Variants in VPS54 observed in about 807,000 individuals in gnomAD.
VPS54 encodes the protein vacuolar protein sorting-associated protein 54.
Under a neutral mutation model 121.5 loss-of-function variants are expected in VPS54, and 45 were observed. The observed-to-expected ratio is 0.37, with a 90% CI of 0.29 to 0.47. VPS54 has a LOEUF of 0.47. Among genes scored for constraint, VPS54 ranks in the 20% least tolerant of loss-of-function variants. The probability of loss-of-function intolerance (pLI) is 0.99; values close to 1 mark genes in which losing one functional copy is unlikely to be tolerated. For synonymous variants in VPS54, 371 were observed against 385.8 expected, an observed-to-expected ratio of 0.96 and a Z score of 0.45; for missense variants, 1,090 against 1,131.4, an observed-to-expected ratio of 0.96 and a Z score of 0.52.
At chr2:63,967,845 T>A (rs959520338) in intron 5 of VPS54, among the ~76,000 whole-genome samples, 1 of 151,884 alleles carries the variant, frequency 6.6e-6, no homozygotes, top group Non-Finnish European at 1.5e-5. Context: ...TATCTTCTGT[T>A]GGAAAGAACA....
At chr2:63,961,286 C>G (rs533902714) in intron 7 of VPS54, among the ~76,000 whole-genome samples, 2 of 152,266 alleles carry the variant, frequency 1.3e-5, no homozygotes, top group African/African-American at 4.8e-5. Flanking sequence ...ATATCCTAAA[C>G]ATTCCAATTA....
chr2:63,926,541 G>A (rs1474779749), intron 12 of VPS54, among the ~76,000 whole-genome samples: 1 of 152,144 alleles, frequency 6.6e-6, no homozygotes, highest in East Asian at 1.9e-4. Context: ...AATAGGAACA[G>A]CTCTTGTCTA....
rs11316408 is a variant in VPS54 at position 64,012,455 on chromosome 2, TAA to T, written c.-21+6481_-21+6482del. Among the ~76,000 whole-genome samples, 827 of 111,576 alleles carry T rather than the reference TAA, an allele frequency of 7.4e-3. 4 individuals are homozygous for T. The highest frequency in any genetic ancestry group is 0.02 in the Middle Eastern group (4 of 198). The allele number at this position is 111,576 out of a possible 152,430, so 73.2% of individuals were successfully genotyped here. ...ACGCAAGGCTCAAAAAGTAACTGTT[TAA>T]AAAAAAAAAAAAAAAAAAAGTCCCC... is the stretch of plus-strand genomic sequence containing the variant. On this transcript the variant is annotated intron_variant, in intron 1 of 22. Transcript: ENST00000272322.
chr2:64,010,291 A>T (rs1678370825), intron 1 of VPS54, among the ~76,000 whole-genome samples: 1 of 152,182 alleles, frequency 6.6e-6, no homozygotes, highest in African/African-American at 2.4e-5. Flanking sequence ...TAATTTTTTT[A>T]AAAGTCCACA....
chr2:63,960,011 C>G (rs1675682522), intron 7 of VPS54, among the ~76,000 whole-genome samples: 2 of 151,628 alleles, frequency 1.3e-5, no homozygotes, highest in Admixed American at 6.6e-5. Context: ...CAGAGCTAGA[C>G]TCCATCTCAA....
At chr2:63,937,732 T>C (rs1335538103) in intron 11 of VPS54, among the ~76,000 whole-genome samples, 2 of 152,138 alleles carry the variant, frequency 1.3e-5, no homozygotes, top group Non-Finnish European at 2.9e-5. Context: ...CAGCCAAAAG[T>C]TGAAGGCAAC....
chr2:63,983,877 G>C lies in VPS54; in HGVS notation c.123C>G (p.Pro41=). The change falls in exon 2 of 23, where the codon CCC becomes CCG. Residue 41 remains proline (P), a synonymous_variant. Coordinates refer to ENST00000272322, the MANE Select transcript of VPS54 (RefSeq NM_016516.3). ...AAAAAGCATTACCTGTGGGTTCCTT[G>C]GGACACACATCTGGCAGTGATGGCA... ...RPVPSLPDVC[P]KEPTGDSHSL... 1 of 1,600,216 alleles carries C rather than the reference G, an allele frequency of 6.2e-7. No homozygotes were observed. Among genetic ancestry groups the C allele is most frequent in the Middle Eastern group, 1.7e-4 (1 of 6,010 alleles).
At chr2:63,966,457 C>G (rs1242542251) in intron 5 of VPS54, among the ~76,000 whole-genome samples, 1 of 152,124 alleles carries the variant, frequency 6.6e-6, no homozygotes, top group Non-Finnish European at 1.5e-5. Context: ...CTACTCTTCC[C>G]TTACATATCA....
At chr2:63,999,254 C>T (rs1487065842) in intron 1 of VPS54, among the ~76,000 whole-genome samples, 1 of 152,210 alleles carries the variant, frequency 6.6e-6, no homozygotes, top group Admixed American at 6.5e-5. Context: ...CTGGCCAGCT[C>T]TTTAGCATTT....
chr2:63,905,199 A>G (rs1212603775), intron 20 of VPS54, among the ~76,000 whole-genome samples: 2 of 152,160 alleles, frequency 1.3e-5, no homozygotes, highest in Non-Finnish European at 2.9e-5. Context: ...GAAAATAAAT[A>G]ACACAGACTG....
intron 1 of VPS54, among the ~76,000 whole-genome samples, chr2:63,987,370 G>A (rs1677100622): frequency 6.6e-6 from 1 of 152,136 alleles, no homozygotes. Flanking sequence ...GTAGATGAAT[G>A]GATTTATTTC....
intron 3 of VPS54, among the ~76,000 whole-genome samples, chr2:63,978,459 T>C (rs1242737242): frequency 6.6e-6 from 1 of 152,194 alleles, no homozygotes; most frequent in Non-Finnish European, 1.5e-5. Flanking sequence ...TCTACATCTT[T>C]ACCAAAATTT....
In VPS54 at chr2:63,947,116, T is replaced by C. The variant is rs964556866; in HGVS notation, c.1245+267A>G. On this transcript the variant is annotated intron_variant, in intron 9 of 22. Transcript: ENST00000272322. Reference sequence around the variant, plus strand: ...AAGCTTTTATAATAATATGAGAAACTGCTTATGATTGTAACTGAAATATAT... The same window carrying C: ...AAGCTTTTATAATAATATGAGAAACCGCTTATGATTGTAACTGAAATATAT... 7.2e-5 allele frequency among the ~76,000 whole-genome samples: 11 copies of C among 152,120 alleles called. No individual in the cohort carries two copies. In the East Asian group the frequency reaches 7.7e-4, roughly 11 times the overall value.
chr2:63,893,311 TC>T lies in VPS54; in HGVS notation c.*118del, dbSNP rs1672302508. ...ACACTTGATACTTTCCTTTTTCCCT[TC>T]CCCCACCCCAGTTCACTTTGGGTTT... is the stretch of plus-strand genomic sequence containing the variant. On this transcript the variant is annotated 3_prime_UTR_variant, in exon 23 of 23. Coordinates refer to ENST00000272322, the MANE Select transcript of VPS54 (RefSeq NM_016516.3). 3.4e-6 allele frequency: 3 copies of T among 889,340 alleles called. No individual in the cohort carries two copies. The South Asian group carries it at 3.9e-5, about 12-fold the overall frequency. The allele number at this position is 889,340 out of a possible 1,614,324, so 55.1% of individuals were successfully genotyped here.
chr2:63,975,195 A>C (rs1676468250), intron 3 of VPS54: 1 of 576,520 alleles, frequency 1.7e-6, no homozygotes, highest in African/African-American at 1.9e-5. Context: ...CCCATTGCAA[A>C]ATTATAACTG....
chr2:63,920,137 T>C (rs1673574105), intron 14 of VPS54, 142 bp from the exon 15 acceptor site: 1 of 604,398 alleles, frequency 1.7e-6, no homozygotes, highest in South Asian at 3.2e-5. Context: ...GACCAATACT[T>C]AGAAAATAGT....
At chr2:63,957,165 G>A (rs573410725) in intron 7 of VPS54, among the ~76,000 whole-genome samples, 19 of 152,036 alleles carry the variant, frequency 1.2e-4, no homozygotes, top group East Asian at 1.2e-3. Context: ...TATCCCGGCC[G>A]GGCACGGTGG....
intron 7 of VPS54, among the ~76,000 whole-genome samples, chr2:63,956,901 G>A (rs975698591): frequency 6.6e-6 from 1 of 151,974 alleles, no homozygotes; most frequent in Non-Finnish European, 1.5e-5. Flanking sequence ...AGCAAATAAC[G>A]ACACCACAGC....
intron 6 of VPS54, among the ~76,000 whole-genome samples, chr2:63,963,932 A>G (rs1364235039): frequency 6.6e-6 from 1 of 152,206 alleles, no homozygotes; most frequent in Non-Finnish European, 1.5e-5. Flanking sequence ...AAGTAAATCA[A>G]CTACATCATT....
Sources: allele counts gnomAD v4.1 joint callset (sites outside exome capture counted in the v4.1 genomes callset), GRCh38; gene constraint gnomAD v4.1.1; transcripts MANE v1.5; gene names NCBI Gene and HGNC (gene_info 2026-07-23, HGNC 2026-07-21).